RIMS2: variants seen among roughly 807,000 people sequenced by gnomAD.
RIMS2 encodes the protein regulating synaptic membrane exocytosis protein 2.
A neutral mutation model predicts 174.4 loss-of-function variants in RIMS2; 59 were observed. The ratio of observed to expected loss-of-function variants is 0.34; its 90% CI spans 0.27 to 0.42. The LOEUF is 0.42. RIMS2 is among the 10% of genes least tolerant of loss of function. The probability of loss-of-function intolerance (pLI) is 1.00; values close to 1 mark genes in which losing one functional copy is unlikely to be tolerated. For synonymous variants in RIMS2, 606 were observed against 572.5 expected, an observed-to-expected ratio of 1.06 and a Z score of -0.84; for missense variants, 1,620 against 1,666.3, an observed-to-expected ratio of 0.97 and a Z score of 0.48.
chr8:103,680,231 A>C (rs2096862759), intron 1 of RIMS2, among the ~76,000 whole-genome samples: 2 of 152,092 alleles, frequency 1.3e-5, no homozygotes, highest in Admixed American at 1.3e-4. Context: ...ACCTATGTAT[A>C]TATGGGAACT....
intron 19 of RIMS2, among the ~76,000 whole-genome samples, chr8:104,114,812 T>G (rs2098253306): frequency 6.6e-6 from 1 of 152,002 alleles, no homozygotes; most frequent in South Asian, 2.1e-4. Context: ...TCAATTTTTA[T>G]AATCATTTAA....
intron 19 of RIMS2, among the ~76,000 whole-genome samples, chr8:104,023,258 GA>G (rs1469221941): frequency 6.6e-6 from 1 of 151,762 alleles, no homozygotes; most frequent in East Asian, 1.9e-4. Context: ...CATAAAATGG[GA>G]AAGTTTGGAT....
intron 2 of RIMS2, among the ~76,000 whole-genome samples, chr8:103,704,330 C>T (rs1161714851): frequency 6.6e-6 from 1 of 151,422 alleles, no homozygotes; most frequent in African/African-American, 2.4e-5. Context: ...GGTGATTGAT[C>T]TTTATAATGT....
At chr8:103,733,960 A>G (rs1398526977) in intron 2 of RIMS2, among the ~76,000 whole-genome samples, 2 of 149,222 alleles carry the variant, frequency 1.3e-5, no homozygotes, top group Admixed American at 6.7e-5. Flanking sequence ...TATGGTGGGA[A>G]TGATCACTGG....
intron 4 of RIMS2, among the ~76,000 whole-genome samples, chr8:103,896,998 G>T (rs980823844): frequency 1.3e-5 from 2 of 151,644 alleles, no homozygotes; most frequent in African/African-American, 4.9e-5. Flanking sequence ...GGGAGACATG[G>T]TTTGTTCAAG....
rs562639877 is a variant in RIMS2, at chr8:103,514,863, A to G, written c.176+13801A>G. Reference sequence around the variant, plus strand: ...CAGTGAGCTGAGATGGCGCCACTGCACTTCAGCCTGGGCAACAGGGCAAGA... The same window carrying G: ...CAGTGAGCTGAGATGGCGCCACTGCGCTTCAGCCTGGGCAACAGGGCAAGA... On this transcript the variant is annotated intron_variant, in intron 1 of 23. Coordinates refer to ENST00000504942, the Ensembl canonical transcript of RIMS2. Among the ~76,000 whole-genome samples the G allele has an allele frequency of 2.0e-5, 3 of 152,094 alleles. No individual in the cohort carries two copies. The East Asian group carries it at 5.8e-4, about 29-fold the overall frequency.
chr8:103,625,919 TACAC>T (rs1402091770), intron 1 of RIMS2, among the ~76,000 whole-genome samples: 1 of 151,726 alleles, frequency 6.6e-6, no homozygotes, highest in Admixed American at 6.6e-5. Context: ...ATTATATATA[TACAC>T]ACACTAGTAA....
At chr8:103,808,736 T>C (rs1389257927) in intron 3 of RIMS2, among the ~76,000 whole-genome samples, 1 of 152,180 alleles carries the variant, frequency 6.6e-6, no homozygotes, top group East Asian at 1.9e-4. Context: ...GACTAAGTCC[T>C]GTTGATTCGA....
At chr8:104,223,551 G>A (rs2099166564) in intron 19 of RIMS2, 3 of 1,434,576 alleles carry the variant, frequency 2.1e-6, no homozygotes, top group African/African-American at 2.9e-5. Context: ...GCACCAACCT[G>A]GCTTCTGGCC....
At chr8:104,248,911 C>T in intron 21 of RIMS2, 98 bp downstream of exon 27, 1 of 624,210 alleles carries the variant, frequency 1.6e-6, no homozygotes, top group South Asian at 2.0e-5. Flanking sequence ...CTCTCTCTCT[C>T]TTTCCCTCTC....
At chr8:103,759,448 C>G (rs944333038) in intron 2 of RIMS2, among the ~76,000 whole-genome samples, 2 of 151,380 alleles carry the variant, frequency 1.3e-5, no homozygotes, top group Non-Finnish European at 2.9e-5. Flanking sequence ...GCCTGTAGTC[C>G]CAGCTACTCG....
intron 1 of RIMS2, among the ~76,000 whole-genome samples, chr8:103,547,572 T>C (rs910603450): frequency 2.0e-5 from 3 of 152,070 alleles, no homozygotes; most frequent in Non-Finnish European, 4.4e-5. Flanking sequence ...GATTTTAAAT[T>C]AACAGCCTAA....
At chr8:104,202,316 G>A (rs1868015) in intron 19 of RIMS2, among the ~76,000 whole-genome samples, 24,226 of 152,150 alleles carry the variant, frequency 0.16, 2,485 homozygotes, top group Non-Finnish European at 0.23. Flanking sequence ...AAGAGACGTG[G>A]TATATTAGGA....
intron 3 of RIMS2, among the ~76,000 whole-genome samples, chr8:103,791,090 C>T (rs2098494198): frequency 3.3e-5 from 5 of 151,950 alleles, no homozygotes; most frequent in South Asian, 4.1e-4. Flanking sequence ...AGATACTCCT[C>T]GAGAAGAGCA....
intron 9 of RIMS2, 147 bp downstream of exon 12, chr8:103,918,634 T>C: frequency 1.6e-6 from 1 of 621,880 alleles, no homozygotes; most frequent in Non-Finnish European, 2.9e-6. Context: ...AAATTTAGTA[T>C]TATTTCATGT....
chr8:104,197,646 C>T (rs1489765139), intron 19 of RIMS2, among the ~76,000 whole-genome samples: 1 of 150,472 alleles, frequency 6.6e-6, no homozygotes, highest in Non-Finnish European at 1.5e-5. Context: ...AAACTTAAAA[C>T]TCATTGAGGT....
At chr8:104,014,941 A>G (rs543992535) in intron 19 of RIMS2, among the ~76,000 whole-genome samples, 68 of 152,290 alleles carry the variant, frequency 4.5e-4, no homozygotes, top group African/African-American at 1.6e-3. Flanking sequence ...ATAGTTATAT[A>G]AAGTTTATTA....
intron 1 of RIMS2, among the ~76,000 whole-genome samples, chr8:103,668,188 G>A (rs2096698243): frequency 6.6e-6 from 1 of 152,176 alleles, no homozygotes; most frequent in Non-Finnish European, 1.5e-5. Context: ...TCTGGAACTA[G>A]ATCTGATTGT....
chr8:103,752,612 G>A (rs1294232378), intron 2 of RIMS2, among the ~76,000 whole-genome samples: 1 of 152,154 alleles, frequency 6.6e-6, no homozygotes, highest in Admixed American at 6.6e-5. Flanking sequence ...ATTTCATTGA[G>A]CAGTGGTTTG....
Sources: gnomAD v4.1 joint callset for allele counts (sites outside exome capture counted in the v4.1 genomes callset) on GRCh38, gnomAD v4.1.1 for gene constraint, MANE v1.5 for transcripts, NCBI Gene and HGNC (gene_info 2026-07-23, HGNC 2026-07-21) for gene names.